CLEC2L: variants seen among roughly 807,000 people sequenced by gnomAD.
The protein encoded by CLEC2L is C-type lectin domain family 2 member L, also known as C-type lectin domain family 2, member L.
In CLEC2L, 14 loss-of-function variants were observed where a neutral mutation model predicts 23.6. The ratio of observed to expected loss-of-function variants is 0.59; its 90% CI spans 0.39 to 0.93. The LOEUF (loss-of-function observed/expected upper bound fraction) is 0.93, where lower values mean the gene tolerates loss of function less well. CLEC2L is among the 40% of genes least tolerant of loss of function. CLEC2L has a pLI of 0.00. For synonymous variants in CLEC2L, 114 were observed against 121.3 expected (o/e 0.94, Z 0.40); for missense variants, 264 against 282.4 (o/e 0.93, Z 0.47).
At chr7:139,524,640 C>A (rs1208770276) in intron 1 of CLEC2L, among the ~76,000 whole-genome samples, 1 of 152,270 alleles carries the variant, frequency 6.6e-6, no homozygotes, top group Non-Finnish European at 1.5e-5. Flanking sequence ...GGTCAGGGGT[C>A]ACACCTACTC....
chr7:139,528,819 G>A (rs978538809), intron 1 of CLEC2L, among the ~76,000 whole-genome samples: 1 of 152,166 alleles, frequency 6.6e-6, no homozygotes, highest in African/African-American at 2.4e-5. Context: ...GGCAAGGAAG[G>A]AGCCCCTGCA....
At chr7:139,541,122 C>T (rs1355416891) in intron 3 of CLEC2L, among the ~76,000 whole-genome samples, 2 of 152,036 alleles carry the variant, frequency 1.3e-5, no homozygotes, top group Non-Finnish European at 2.9e-5. Flanking sequence ...GATTCTCGTA[C>T]CTCATCCTCC....
At chr7:139,530,470 T>C (rs1797565626) in intron 1 of CLEC2L, among the ~76,000 whole-genome samples, 1 of 152,018 alleles carries the variant, frequency 6.6e-6, no homozygotes, top group Non-Finnish European at 1.5e-5. Flanking sequence ...TCCCATTCTG[T>C]ACAGATTCTC....
At chr7:139,528,898 C>T (rs1797541569) in intron 1 of CLEC2L, among the ~76,000 whole-genome samples, 1 of 152,188 alleles carries the variant, frequency 6.6e-6, no homozygotes. Context: ...TGAAGAGGCA[C>T]CTTGGGTCTG....
At chr7:139,538,902 G>C (rs1442381895) in intron 2 of CLEC2L, among the ~76,000 whole-genome samples, 1 of 152,236 alleles carries the variant, frequency 6.6e-6, no homozygotes, top group Non-Finnish European at 1.5e-5. Context: ...TGTAGACATA[G>C]CTAGTATGAT....
At chr7:139,536,999 A>AG (rs968009173) in intron 2 of CLEC2L, among the ~76,000 whole-genome samples, 2 of 151,548 alleles carry the variant, frequency 1.3e-5, no homozygotes, top group African/African-American at 4.8e-5. Flanking sequence ...AAAAAAAAAA[A>AG]AGATCACATT....
chr7:139,538,806 G>A (rs1797696955), intron 2 of CLEC2L, among the ~76,000 whole-genome samples: 2 of 152,096 alleles, frequency 1.3e-5, no homozygotes, highest in African/African-American at 4.8e-5. Flanking sequence ...CAACCACTGG[G>A]CCTAGCTTAA....
At position 139,523,717 on chromosome 7, in the gene CLEC2L, G is replaced by T. The variant is rs1183112956; in HGVS notation, c.-211G>T. The T allele has an allele frequency of 1.1e-5, 2 of 183,464 alleles. No individual in the cohort carries two copies. The highest frequency in any genetic ancestry group is 2.0e-5 in the Non-Finnish European group (2 of 97,738). 11.4% of individuals were successfully genotyped at this position (183,464 alleles called of 1,614,324 possible). A position where few individuals can be genotyped will look rare whatever the true frequency, so the allele number is the denominator to read the frequency against. ...CTGTGCGTGGAGGCTGCGGCTCGGC[G>T]GGGCAGGCGCTGAGCGCACCGCGGC... On this transcript the variant is annotated 5_prime_UTR_variant, in exon 1 of 5. Transcript: ENST00000422142. The surrounding 1 kb of genome is among the most constrained non-coding windows in gnomAD (Gnocchi z 4.1).
chr7:139,527,885 AAC>A (rs1797527422), intron 1 of CLEC2L, among the ~76,000 whole-genome samples: 1 of 152,234 alleles, frequency 6.6e-6, no homozygotes, highest in South Asian at 2.1e-4. Context: ...GGTAGTTTTT[AAC>A]AGTCAAGATT....
rs372259177 is a variant in CLEC2L at position 139,542,119 on chromosome 7, C to T, written c.531C>T (p.Asp177=). ...HWVNGDPFDP[D]TFTIAGPGEC... ...TCAACGGGGACCCGTTTGATCCGGA[C>T]ACGTGAGCTGAGGCTTCATCTTCTG... is the stretch of plus-strand genomic sequence containing the variant. Residue 177 remains aspartate, a splice_region_variant and synonymous_variant, in exon 4 of 5, where the codon GAC becomes GAT. Coordinates refer to ENST00000422142, the MANE Select transcript of CLEC2L (RefSeq NM_001080511.4). The T allele has an allele frequency of 1.4e-4, 228 of 1,604,872 alleles. 1 individual carries two copies. The highest frequency in any genetic ancestry group is 3.3e-4 in the Middle Eastern group (2 of 6,070).
Position 139,542,089 on chromosome 7 carries a change from C to A in CLEC2L, c.501C>A (p.His167Gln). Residue 167 changes from histidine (H) to glutamine (Q), a missense_variant, in exon 4 of 5, where the codon CAC becomes CAA. By Grantham distance (24) the His-to-Gln change is conservative. Transcript: ENST00000422142. ...IGLRRVGDEF[H>Q]WVNGDPFDPD... ...TACGCAGAGTTGGGGACGAATTCCA[C>A]TGGGTCAACGGGGACCCGTTTGATC... 5.0e-6 allele frequency: 8 copies of A among 1,612,862 alleles called. No individual in the cohort carries two copies. Among genetic ancestry groups the A allele is most frequent in the Non-Finnish European group, 6.8e-6 (8 of 1,179,412 alleles).
rs1330217823 is a variant in CLEC2L, at chr7:139,540,364, C to T, written c.309C>T (p.Asp103=). ...CIKCEAPCPE[D]WLLYGRKCYF... Reference sequence around the variant, plus strand: ...AGTGCGAAGCGCCCTGCCCGGAGGACTGGCTGCTCTACGGAAGGAAGTGCT... The same window carrying T: ...AGTGCGAAGCGCCCTGCCCGGAGGATTGGCTGCTCTACGGAAGGAAGTGCT... The change falls in exon 3 of 5, where the codon GAC becomes GAT. Residue 103 remains aspartate, a synonymous_variant. Transcript: ENST00000422142. The surrounding 1 kb of genome is among the most constrained non-coding windows in gnomAD (Gnocchi z 5.8). 1 of 1,611,970 alleles carries T rather than the reference C, an allele frequency of 6.2e-7. No homozygotes were observed. Among genetic ancestry groups the T allele is most frequent in the Non-Finnish European group, 8.5e-7 (1 of 1,179,330 alleles).
Position 139,540,203 on chromosome 7 carries a change from C to T in CLEC2L, c.266-118C>T. On this transcript the variant is annotated intron_variant, in intron 2 of 4. Coordinates refer to ENST00000422142, the MANE Select transcript of CLEC2L (RefSeq NM_001080511.4). This position sits in a 1 kb window ranked among gnomAD's most constrained non-coding sequence, Gnocchi z 5.8. Reference sequence around the variant, plus strand: ...ACCTCCAGGCACCAGGAGAGGACAGCCACATCTGCAGTGTCCCTGCAGGAC... The same window carrying T: ...ACCTCCAGGCACCAGGAGAGGACAGTCACATCTGCAGTGTCCCTGCAGGAC... The T allele has an allele frequency of 2.0e-6, 2 of 982,282 alleles. No individual in the cohort carries two copies. The highest frequency in any genetic ancestry group is 5.3e-5 in the East Asian group (2 of 37,826). 60.8% of individuals were successfully genotyped at this position (982,282 alleles called of 1,614,324 possible). A position where few individuals can be genotyped will look rare whatever the true frequency, so the allele number is the denominator to read the frequency against.
chr7:139,525,967 A>G lies in CLEC2L; in HGVS notation c.190+1850A>G, dbSNP rs76745667. Among the ~76,000 whole-genome samples the G allele has an allele frequency of 5.5e-3, 833 of 152,134 alleles. 6 individuals carry two copies. The highest frequency in any genetic ancestry group is 0.019 in the African/African-American group (799 of 41,506). The stretch of plus-strand genomic sequence containing the variant: ...TCCTGTGGTCCAGCCTTGCCTCACC[A>G]TGGCCCCCTGCCTTGCCTTGCTCTC... On this transcript the variant is annotated intron_variant, in intron 1 of 4. Transcript: ENST00000422142.
At chr7:139,525,418 C>T (rs1797493258) in intron 1 of CLEC2L, among the ~76,000 whole-genome samples, 1 of 152,116 alleles carries the variant, frequency 6.6e-6, no homozygotes, top group Admixed American at 6.5e-5. Flanking sequence ...GCTGTGCAGA[C>T]TCTGAAGCTG....
chr7:139,544,421 G>A lies in CLEC2L; in HGVS notation c.*79G>A. On this transcript the variant is annotated 3_prime_UTR_variant, in exon 5 of 5. Coordinates refer to ENST00000422142, the MANE Select transcript of CLEC2L (RefSeq NM_001080511.4). ...GTCTGCTCAAGACCTGCTTCCAGCG[G>A]AGCCGCCTGCCCTCTGCAAGGCGAA... 9.4e-7 allele frequency: 1 copy of A among 1,061,828 alleles called. No individual in the cohort carries two copies. Among genetic ancestry groups the A allele is most frequent in the Non-Finnish European group, 1.4e-6 (1 of 711,578 alleles). The allele number at this position is 1,061,828 out of a possible 1,614,324, so 65.8% of individuals were successfully genotyped here. A position where few individuals can be genotyped will look rare whatever the true frequency, so the allele number is the denominator to read the frequency against.
rs1421128544 is a variant in CLEC2L, at chr7:139,544,368, G to A, written c.*26G>A. 19 of 1,479,292 alleles carry A rather than the reference G, an allele frequency of 1.3e-5. No homozygotes were observed. Among genetic ancestry groups the A allele is most frequent in the East Asian group, 4.7e-5 (2 of 43,004 alleles). 91.6% of individuals were successfully genotyped at this position (1,479,292 alleles called of 1,614,324 possible). A position where few individuals can be genotyped will look rare whatever the true frequency, so the allele number is the denominator to read the frequency against. On this transcript the variant is annotated 3_prime_UTR_variant, in exon 5 of 5. Coordinates refer to ENST00000422142, the MANE Select transcript of CLEC2L (RefSeq NM_001080511.4). ...GGTGGGTGGGGCCAGAGGTGGCCCC[G>A]CCCCTAGGCCTGTGGGAGGTGTCTG...
At chr7:139,542,573 C>T (rs9691166) in intron 4 of CLEC2L, among the ~76,000 whole-genome samples, 4,767 of 152,310 alleles carry the variant, frequency 0.031, 220 homozygotes, top group African/African-American at 0.11. Flanking sequence ...GCCTCTGTCC[C>T]GGGCAGCCTC....
chr7:139,542,148 AC>A, intron 4 of CLEC2L, 27 bp downstream of exon 4: 1 of 1,541,686 alleles, frequency 6.5e-7, no homozygotes, highest in Non-Finnish European at 8.9e-7. Context: ...TCTTCTGGCT[AC>A]CGAGCTTAGA....
Sources: gnomAD v4.1 joint callset for allele counts (sites outside exome capture counted in the v4.1 genomes callset) on GRCh38, gnomAD v4.1.1 for gene constraint, Gnocchi (gnomAD v3.1) non-coding constraint, MANE v1.5 for transcripts, NCBI Gene and HGNC (gene_info 2026-07-23, HGNC 2026-07-21) for gene names.